COL28A1: variants seen among roughly 807,000 people sequenced by gnomAD.
COL28A1 encodes the protein collagen alpha-1(XXVIII) chain.
COL28A1 carries 161 observed loss-of-function variants against 150.2 expected under a neutral mutation model. The observed-to-expected ratio is 1.07, with a 90% CI of 0.94 to 1.22. The LOEUF (loss-of-function observed/expected upper bound fraction) is 1.22. Among genes scored for constraint, COL28A1 ranks in the 50% most tolerant of loss-of-function variants. The pLI, the probability that COL28A1 is intolerant of heterozygous loss-of-function variation, is 0.00. For synonymous variants in COL28A1, 552 were observed against 469.7 expected, an observed-to-expected ratio of 1.18 and a Z score of -2.26; for missense variants, 1,617 against 1,388.3, an observed-to-expected ratio of 1.16 and a Z score of -2.62.
intron 27 of COL28A1, among the ~76,000 whole-genome samples, chr7:7,393,894 C>T (rs754659876): frequency 3.3e-5 from 5 of 152,052 alleles, no homozygotes; most frequent in African/African-American, 4.8e-5. Context: ...CTGAAGTAGA[C>T]CACTTGGCAC....
intron 25 of COL28A1, among the ~76,000 whole-genome samples, chr7:7,423,598 T>A (rs1231443746): frequency 6.6e-6 from 1 of 151,986 alleles, no homozygotes; most frequent in Non-Finnish European, 1.5e-5. Flanking sequence ...AAGGCAAGAT[T>A]TTTTTTTAAC....
chr7:7,451,540 T>A (rs1786692843), intron 18 of COL28A1, among the ~76,000 whole-genome samples: 1 of 152,026 alleles, frequency 6.6e-6, no homozygotes, highest in South Asian at 2.1e-4. Flanking sequence ...CTTCATTTTT[T>A]AAAGTAAGTT....
intron 10 of COL28A1, among the ~76,000 whole-genome samples, chr7:7,506,552 T>C (rs1780821392): frequency 6.6e-6 from 1 of 152,290 alleles, no homozygotes; most frequent in African/African-American, 2.4e-5. Flanking sequence ...TGTAGGCTTT[T>C]TGAAATACTG....
At chr7:7,503,034 T>C (rs2115103333) in intron 11 of COL28A1, among the ~76,000 whole-genome samples, 1 of 152,292 alleles carries the variant, frequency 6.6e-6, no homozygotes, top group African/African-American at 2.4e-5. Flanking sequence ...CCAGGAGAAA[T>C]GCACCTTTCA....
At chr7:7,460,853 A>T (rs1239494940) in intron 15 of COL28A1, among the ~76,000 whole-genome samples, 1 of 152,208 alleles carries the variant, frequency 6.6e-6, no homozygotes, top group Non-Finnish European at 1.5e-5. Context: ...AACTCATCCT[A>T]CATAATAACA....
At chr7:7,395,496 T>A (rs1782784967) in intron 27 of COL28A1, among the ~76,000 whole-genome samples, 1 of 152,238 alleles carries the variant, frequency 6.6e-6, no homozygotes, top group Non-Finnish European at 1.5e-5. Flanking sequence ...ATGGCCAGCA[T>A]TTCTAGCTCA....
rs1157017229 is a variant in COL28A1, at chr7:7,515,829, C to T, written c.867G>A (p.Gly289=). 5 of 1,040,668 alleles carry T rather than the reference C, an allele frequency of 4.8e-6. No homozygotes were observed. The Middle Eastern group carries it at 8.1e-4, about 168-fold the overall frequency. 64.5% of individuals were successfully genotyped at this position (1,040,668 alleles called of 1,614,324 possible). A position where few individuals can be genotyped will look rare whatever the true frequency, so the allele number is the denominator to read the frequency against. ...AGERGPGGIP[G]YKGDKGERGE... ...ACCAACTTACCTTGTCACCCTTGTA[C>T]CCAGGAATTCCCTAATTTAAAAAGA... The change falls in exon 8 of 35, where the codon GGG becomes GGA. Residue 289 remains glycine, a synonymous_variant. Transcript: ENST00000399429.
At chr7:7,500,688 T>A (rs1210618155) in intron 11 of COL28A1, among the ~76,000 whole-genome samples, 3 of 152,198 alleles carry the variant, frequency 2.0e-5, no homozygotes, top group Non-Finnish European at 4.4e-5. Flanking sequence ...GAAAACAGGA[T>A]GTTGTGTAGG....
At chr7:7,347,700 T>C in the COL28A1 span, among the ~76,000 whole-genome samples, 1 of 152,096 alleles carries the variant, frequency 6.6e-6, no homozygotes, top group African/African-American at 2.4e-5. Context: ...TTATATAGTC[T>C]GTAGGAGACT....
intron 27 of COL28A1, among the ~76,000 whole-genome samples, chr7:7,382,612 T>C (rs1259251399): frequency 6.6e-6 from 1 of 152,140 alleles, no homozygotes; most frequent in African/African-American, 2.4e-5. Flanking sequence ...TTGGATCTTA[T>C]ACTCAATCCT....
At chr7:7,450,538 T>C (rs773571381) in intron 18 of COL28A1, among the ~76,000 whole-genome samples, 1 of 152,134 alleles carries the variant, frequency 6.6e-6, no homozygotes, top group African/African-American at 2.4e-5. Flanking sequence ...TTTGCACAGA[T>C]TTAGAGAAAG....
the COL28A1 span, among the ~76,000 whole-genome samples, chr7:7,343,859 T>A: frequency 6.6e-6 from 1 of 151,868 alleles, no homozygotes; most frequent in African/African-American, 2.4e-5. Context: ...AAATCAAAAA[T>A]TAGTTGGACA....
chr7:7,402,252 A>G (rs1319671390), intron 27 of COL28A1, among the ~76,000 whole-genome samples: 1 of 152,196 alleles, frequency 6.6e-6, no homozygotes, highest in Non-Finnish European at 1.5e-5. Flanking sequence ...ACATCAGAAC[A>G]TTTCGCTTCT....
intron 15 of COL28A1, among the ~76,000 whole-genome samples, chr7:7,472,427 C>CA (rs562387897): frequency 0.036 from 5,154 of 143,370 alleles, 106 homozygotes; most frequent in African/African-American, 0.059. Flanking sequence ...ACAATAGCTG[C>CA]AAAAAAAAAA....
At chr7:7,415,935 T>C (rs1221407187) in intron 27 of COL28A1, among the ~76,000 whole-genome samples, 1 of 152,158 alleles carries the variant, frequency 6.6e-6, no homozygotes, top group African/African-American at 2.4e-5. Context: ...CCTGAGTAGT[T>C]GGGACTACAG....
intron 13 of COL28A1, among the ~76,000 whole-genome samples, chr7:7,487,259 A>G (rs6945969): frequency 6.6e-6 from 1 of 152,128 alleles, no homozygotes; most frequent in Non-Finnish European, 1.5e-5. Context: ...AGTTCTTTGG[A>G]AAAAACAATC....
chr7:7,423,668 G>C (rs1264113960), intron 25 of COL28A1, among the ~76,000 whole-genome samples: 1 of 151,536 alleles, frequency 6.6e-6, no homozygotes, highest in Non-Finnish European at 1.5e-5. Flanking sequence ...GATTTTTTTT[G>C]TGTGAGAATG....
intron 25 of COL28A1, among the ~76,000 whole-genome samples, chr7:7,425,743 A>C (rs1784615658): frequency 6.6e-6 from 1 of 152,346 alleles, no homozygotes; most frequent in Admixed American, 6.5e-5. Flanking sequence ...TTATCATAAT[A>C]AACCTGTGAA....
At chr7:7,374,109 G>A (rs115716055) in intron 31 of COL28A1, among the ~76,000 whole-genome samples, 2,132 of 147,298 alleles carry the variant, frequency 0.014, 49 homozygotes, top group African/African-American at 0.05. Flanking sequence ...TTATGTGCTC[G>A]TTTCTTGGAT....
Sources: allele counts gnomAD v4.1 joint callset (sites outside exome capture counted in the v4.1 genomes callset), GRCh38; gene constraint gnomAD v4.1.1; transcripts MANE v1.5; gene names NCBI Gene and HGNC (gene_info 2026-07-23, HGNC 2026-07-21).